NCAM2: variants seen among roughly 807,000 people sequenced by gnomAD.
NCAM2 encodes neural cell adhesion molecule 2.
A neutral mutation model predicts 98.1 loss-of-function variants in NCAM2; 30 were observed. The observed-to-expected ratio is 0.31, with a 90% CI of 0.23 to 0.41. NCAM2 has a LOEUF of 0.41. Among genes scored for constraint, NCAM2 ranks in the 10% least tolerant of loss-of-function variants. The pLI is 1.00. For missense variants in NCAM2, 867 were observed against 1,005.8 expected (o/e 0.86, Z 1.87); for synonymous variants, 368 against 342.4 (o/e 1.07, Z -0.83).
intron 1 of NCAM2, among the ~76,000 whole-genome samples, chr21:21,009,068 A>G (rs2064160004): frequency 6.6e-6 from 1 of 152,158 alleles, no homozygotes; most frequent in Non-Finnish European, 1.5e-5. Flanking sequence ...CATTAAATGC[A>G]ATGTACTTGA....
intron 1 of NCAM2, among the ~76,000 whole-genome samples, chr21:21,102,634 A>G (rs182684311): frequency 5.4e-4 from 80 of 148,852 alleles, no homozygotes; most frequent in African/African-American, 1.9e-3. Context: ...GGGGGGAAAA[A>G]GAAAGGAAAA....
rs191370757 is a variant in NCAM2, at chr21:21,105,581, A to G, written c.55+106963A>G. 2.0e-5 allele frequency among the ~76,000 whole-genome samples: 3 copies of G among 152,318 alleles called. No individual in the cohort carries two copies. The East Asian group carries it at 5.8e-4, about 29-fold the overall frequency. ...TAAATAATGAATTTACTAATGGCAA[A>G]AAAAATGTGTTTTAAAGATGCTCAA... is the stretch of plus-strand genomic sequence containing the variant. On this transcript the variant is annotated intron_variant, in intron 1 of 17. Transcript: ENST00000400546.
chr21:21,016,167 C>T (rs1207397663), intron 1 of NCAM2, among the ~76,000 whole-genome samples: 1 of 152,090 alleles, frequency 6.6e-6, no homozygotes, highest in Admixed American at 6.5e-5. Context: ...TTTCCTTTCC[C>T]GAATCAACTC....
At chr21:21,074,950 G>A (rs2065648818) in intron 1 of NCAM2, among the ~76,000 whole-genome samples, 1 of 152,100 alleles carries the variant, frequency 6.6e-6, no homozygotes, top group Non-Finnish European at 1.5e-5. Context: ...ATGCCCATCA[G>A]TGATAAAGAG....
intron 1 of NCAM2, among the ~76,000 whole-genome samples, chr21:21,162,837 T>C (rs1324356335): frequency 6.6e-6 from 1 of 152,120 alleles, no homozygotes; most frequent in Non-Finnish European, 1.5e-5. Context: ...TCAGCACTGA[T>C]CCGAAATATA....
intron 1 of NCAM2, among the ~76,000 whole-genome samples, chr21:21,201,236 A>G (rs1333377632): frequency 1.3e-5 from 2 of 152,170 alleles, no homozygotes; most frequent in African/African-American, 4.8e-5. Context: ...TTTATTATCC[A>G]ATTTAGAGAA....
At chr21:21,024,733 A>G (rs1022581297) in intron 1 of NCAM2, among the ~76,000 whole-genome samples, 1 of 151,962 alleles carries the variant, frequency 6.6e-6, no homozygotes, top group African/African-American at 2.4e-5. Context: ...GAAAAAGAAA[A>G]AAAATTAGCC....
At position 21,373,869 on chromosome 21, in the gene NCAM2, G is replaced by T. The variant is rs1463361878; in HGVS notation, c.1051G>T (p.Asp351Tyr). ...FTFTEGDKSLDGRIEVKGQHG... is the reference protein window; with the variant it reads ...FTFTEGDKSLYGRIEVKGQHG... Reference sequence around the variant, plus strand: ...CCTGAATCGATGTAAACAGAGCCTGGACGGCCGTATCGAAGTCAAAGGGCA... The same window carrying T: ...CCTGAATCGATGTAAACAGAGCCTGTACGGCCGTATCGAAGTCAAAGGGCA... The change falls in exon 9 of 18, where the codon GAC becomes TAC. Residue 351 changes from aspartate (D) to tyrosine (Y), a missense_variant. Transcript: ENST00000400546. The T allele has an allele frequency of 6.2e-7, 1 of 1,605,684 alleles. No homozygotes were observed. The highest frequency in any genetic ancestry group is 8.5e-7 in the Non-Finnish European group (1 of 1,175,994).
chr21:21,339,862 C>T (rs895939109), intron 8 of NCAM2, among the ~76,000 whole-genome samples: 3 of 151,576 alleles, frequency 2.0e-5, no homozygotes, highest in Admixed American at 6.6e-5. Context: ...TTCATTTTCT[C>T]CTCATAATGG....
intron 1 of NCAM2, among the ~76,000 whole-genome samples, chr21:21,209,994 G>A (rs2046202771): frequency 1.3e-5 from 2 of 152,158 alleles, no homozygotes; most frequent in African/African-American, 4.8e-5. Context: ...GGATTGGAAG[G>A]GCTGGCCGAC....
chr21:21,043,014 A>C (rs926427974), intron 1 of NCAM2, among the ~76,000 whole-genome samples: 4 of 152,196 alleles, frequency 2.6e-5, no homozygotes, highest in African/African-American at 7.2e-5. Flanking sequence ...TATGTTTTCT[A>C]AATTATTAGA....
intron 1 of NCAM2, among the ~76,000 whole-genome samples, chr21:21,016,304 G>T (rs976654584): frequency 6.6e-6 from 1 of 152,190 alleles, no homozygotes; most frequent in Non-Finnish European, 1.5e-5. Flanking sequence ...CCGCAGGAAT[G>T]TTGAAAAGAC....
At chr21:21,368,326 C>T (rs990944429) in intron 8 of NCAM2, among the ~76,000 whole-genome samples, 6 of 151,836 alleles carry the variant, frequency 4.0e-5, no homozygotes, top group African/African-American at 1.2e-4. Flanking sequence ...ACTAAAAACA[C>T]TTTCACTTCC....
At chr21:21,344,043 G>T (rs1006016159) in intron 8 of NCAM2, among the ~76,000 whole-genome samples, 1 of 152,098 alleles carries the variant, frequency 6.6e-6, no homozygotes, top group African/African-American at 2.4e-5. Flanking sequence ...TTGGATACTA[G>T]CTCAGCCACA....
At chr21:21,062,433 T>C (rs1231631151) in intron 1 of NCAM2, among the ~76,000 whole-genome samples, 1 of 152,180 alleles carries the variant, frequency 6.6e-6, no homozygotes, top group Non-Finnish European at 1.5e-5. Flanking sequence ...TCATAACTTA[T>C]ACGTATTTTC....
At chr21:21,260,472 T>C (rs2071852915) in intron 1 of NCAM2, among the ~76,000 whole-genome samples, 1 of 151,536 alleles carries the variant, frequency 6.6e-6, no homozygotes, top group African/African-American at 2.4e-5. Context: ...AAATTACCTA[T>C]GAAGGAAATC....
At chr21:21,088,667 A>C (rs1306082454) in intron 1 of NCAM2, among the ~76,000 whole-genome samples, 1 of 152,116 alleles carries the variant, frequency 6.6e-6, no homozygotes, top group Non-Finnish European at 1.5e-5. Context: ...AGGGCTTGGC[A>C]AACTTAGTTG....
intron 1 of NCAM2, among the ~76,000 whole-genome samples, chr21:21,189,058 T>G (rs1208392144): frequency 1.3e-5 from 2 of 152,164 alleles, no homozygotes; most frequent in East Asian, 3.9e-4. Flanking sequence ...AATTATACAG[T>G]GTTAGAACCA....
chr21:21,101,539 C>A (rs1052805528), intron 1 of NCAM2, among the ~76,000 whole-genome samples: 1 of 152,034 alleles, frequency 6.6e-6, no homozygotes, highest in African/African-American at 2.4e-5. Flanking sequence ...TACATACTAG[C>A]TGTAACTTTA....
Sources: gnomAD v4.1 joint callset for allele counts (sites outside exome capture counted in the v4.1 genomes callset) on GRCh38, gnomAD v4.1.1 for gene constraint, MANE v1.5 for transcripts, NCBI Gene and HGNC (gene_info 2026-07-23, HGNC 2026-07-21) for gene names.